Variants in ZNF318 observed in about 807,000 individuals in gnomAD.
The protein encoded by ZNF318 is endocrine regulator.
ZNF318 carries 51 observed loss-of-function variants against 124.2 expected under a neutral mutation model. The ratio of observed to expected loss-of-function variants is 0.41; its 90% confidence interval spans 0.33 to 0.52. ZNF318 has a LOEUF of 0.52. Ranked by LOEUF, ZNF318 falls within the 20% of genes least tolerant of loss-of-function variation. ZNF318 has a pLI of 0.23. For missense variants in ZNF318, 2,815 were observed against 2,811.2 expected, an observed-to-expected ratio of 1.00 and a Z score of -0.03; for synonymous variants, 1,090 against 1,040.7, an observed-to-expected ratio of 1.05 and a Z score of -0.91.
At chr6:43,354,523 ACTT>A in intron 4 of ZNF318, 138 bp downstream of exon 4, 1 of 726,610 alleles carries the variant, frequency 1.4e-6, no homozygotes, top group Non-Finnish European at 2.3e-6. Flanking sequence ...AACAATATAC[ACTT>A]CTTAGGATGA....
At position 43,350,153 on chromosome 6, in the gene ZNF318, G is replaced by A. The variant is rs531607641; in HGVS notation, c.2771-1528C>T. On this transcript the variant is annotated intron_variant, in intron 5 of 9. Coordinates refer to ENST00000361428, the MANE Select transcript of ZNF318 (RefSeq NM_014345.3). ...TAATCCCAGCTACTTGGGAGGTTGA[G>A]GCAGGAGAATTACTTGCACCTGGAA... 1.7e-3 allele frequency among the ~76,000 whole-genome samples: 264 copies of A among 152,292 alleles called. 1 individual carries two copies. The highest frequency in any genetic ancestry group is 6.1e-3 in the African/African-American group (254 of 41,564).
In ZNF318 at chr6:43,338,617, T is replaced by C. The variant is rs1162381558; in HGVS notation, c.5381A>G (p.Asp1794Gly). 1.2e-6 allele frequency: 2 copies of C among 1,614,160 alleles called. No homozygotes were observed. Among genetic ancestry groups the C allele is most frequent in the Admixed American group, 1.7e-5 (1 of 60,016 alleles). The change falls in exon 10 of 10, where the codon GAT (aspartate) becomes GGT (glycine). Residue 1794 changes from aspartate to glycine, a missense_variant. Coordinates refer to ENST00000361428, the MANE Select transcript of ZNF318 (RefSeq NM_014345.3). ...RVKELSEGIV[D>G]EGVSTSIGPH... ...TCCAATGCTGGTACTTACTCCCTCATCAACTATCCCCTCAGACAGCTCCTT... is the reference window on the plus strand; with the variant it reads ...TCCAATGCTGGTACTTACTCCCTCACCAACTATCCCCTCAGACAGCTCCTT...
chr6:43,352,360 T>C lies in ZNF318; in HGVS notation c.2770+17A>G, dbSNP rs757378684. 5 of 1,567,216 alleles carry C rather than the reference T, an allele frequency of 3.2e-6. No individual in the cohort carries two copies. The highest frequency in any genetic ancestry group is 4.3e-6 in the Non-Finnish European group (5 of 1,160,138). On this transcript the variant is annotated intron_variant, in intron 5 of 9. Coordinates refer to ENST00000361428, the MANE Select transcript of ZNF318 (RefSeq NM_014345.3). ...GCAAGTTATTACAAAAAGGCAGTCA[T>C]GCAAAGCAGCTGATACCTTGTTGTT...
At chr6:43,341,448 C>T (rs1184156348) in intron 8 of ZNF318, among the ~76,000 whole-genome samples, 3 of 151,966 alleles carry the variant, frequency 2.0e-5, no homozygotes. Context: ...GTCAGGAGAT[C>T]GAGACCATCC....
chr6:43,368,905 A>C, intron 1 of ZNF318, 62 bp downstream of exon 1: 3 of 1,283,888 alleles, frequency 2.3e-6, no homozygotes, highest in Non-Finnish European at 2.0e-6. Flanking sequence ...GTTTCTGGAA[A>C]CGGGAATTCC....
At position 43,338,169 on chromosome 6, in the gene ZNF318, T is replaced by C. The variant is rs1349896992; in HGVS notation, c.5829A>G (p.Glu1943=). The C allele has an allele frequency of 1.2e-6, 2 of 1,614,110 alleles. No homozygotes were observed. The highest frequency in any genetic ancestry group is 1.7e-6 in the Non-Finnish European group (2 of 1,180,016). ...TTTTAACTTGAAAGTCTTTTGATCT[T>C]TCTCTCTTGAGTTTGAGACTTCTGT... ...SRYRSLKLKR[E]RSKDFQVKKI... The change falls in exon 10 of 10, where the codon GAA becomes GAG. Residue 1943 remains glutamate (E), a synonymous_variant. Transcript: ENST00000361428.
intron 4 of ZNF318, among the ~76,000 whole-genome samples, chr6:43,354,451 A>G (rs910383394): frequency 2.6e-5 from 4 of 152,224 alleles, no homozygotes; most frequent in African/African-American, 9.6e-5. Flanking sequence ...GACAATCACA[A>G]TAGGACCCAA....
At chr6:43,357,787 A>T in intron 2 of ZNF318, 22 bp from the exon 3 acceptor site, 1 of 1,563,764 alleles carries the variant, frequency 6.4e-7, no homozygotes, top group South Asian at 1.2e-5. Context: ...GAGAAGCATC[A>T]TTGAACAAAT....
intron 1 of ZNF318, among the ~76,000 whole-genome samples, chr6:43,367,440 A>C (rs1444426980): frequency 6.6e-6 from 1 of 152,232 alleles, no homozygotes; most frequent in Non-Finnish European, 1.5e-5. Flanking sequence ...GGCGGAGTGT[A>C]AAGGAGCCAA....
chr6:43,354,529 T>G (rs1399008939), intron 4 of ZNF318, 135 bp downstream of exon 4: 1 of 758,358 alleles, frequency 1.3e-6, no homozygotes, highest in African/African-American at 1.8e-5. Context: ...ATACACTTCT[T>G]AGGATGATGA....
chr6:43,343,066 C>T (rs1239739053), intron 6 of ZNF318, among the ~76,000 whole-genome samples, 187 bp from the exon 7 acceptor site: 3 of 152,214 alleles, frequency 2.0e-5, no homozygotes, highest in Non-Finnish European at 2.9e-5. Flanking sequence ...TATTTGACTT[C>T]ATAGTGCTAT....
chr6:43,363,106 A>C (rs749610587), intron 2 of ZNF318, among the ~76,000 whole-genome samples: 46 of 152,258 alleles, frequency 3.0e-4, no homozygotes, highest in Non-Finnish European at 5.4e-4. Context: ...CTTAAGAGGA[A>C]AAATTTTAAT....
At position 43,338,126 on chromosome 6, in the gene ZNF318, C is replaced by T. The variant is rs1779314935; in HGVS notation, c.5872G>A (p.Val1958Ile). 6.2e-7 allele frequency: 1 copy of T among 1,613,552 alleles called. No homozygotes were observed. Among genetic ancestry groups the T allele is most frequent in the Non-Finnish European group, 8.5e-7 (1 of 1,179,944 alleles). ...FQVKKIYELAVWDENKKRPET... is the reference protein window; with the variant it reads ...FQVKKIYELAIWDENKKRPET... ...GGCCTCTTCTTGTTTTCATCCCAAA[C>T]AGCCAACTCATAGATCTTTTTAACT... is the stretch of plus-strand genomic sequence containing the variant. The change falls in exon 10 of 10, where the codon GTT (valine) becomes ATT (isoleucine). Residue 1958 changes from valine (V) to isoleucine (I), a missense_variant. Coordinates refer to ENST00000361428, the MANE Select transcript of ZNF318 (RefSeq NM_014345.3).
chr6:43,354,965 G>A lies in ZNF318; in HGVS notation c.2369C>T (p.Ala790Val). 1 of 1,609,976 alleles carries A rather than the reference G, an allele frequency of 6.2e-7. No individual in the cohort carries two copies. Among genetic ancestry groups the A allele is most frequent in the Non-Finnish European group, 8.5e-7 (1 of 1,177,718 alleles). The change falls in exon 4 of 10, where the codon GCC (alanine) becomes GTC (valine). Residue 790 changes from alanine to valine, a missense_variant. This residue lies in a region of ZNF318 where 1,377 missense variants were observed against 1,353.5 expected (regional missense o/e 1.02). Transcript: ENST00000361428. ...TGCATATGCCATGTAGTGCCTATAG[G>A]CATCAAAAGAGGCAGGGGGAATGGC... The part of the protein sequence containing the change: ...GPAIPPASFD[A>V]YRHYMAYAAS...
chr6:43,352,009 T>C (rs1309244429), intron 5 of ZNF318, among the ~76,000 whole-genome samples: 1 of 151,976 alleles, frequency 6.6e-6, no homozygotes, highest in Non-Finnish European at 1.5e-5. Context: ...CTGGGCATGG[T>C]GGCAGGTGCC....
At position 43,354,752 on chromosome 6, in the gene ZNF318, A is replaced by C. The variant is rs1171470074; in HGVS notation, c.2582T>G (p.Val861Gly). ...TGATGGAATGGACACCTGGACAGGC[A>C]CTTGGGCCGCAGGAATTGAGCCTCG... ...SLRGSIPAAQ[V>G]PVQVSIPSLI... is the part of the protein sequence containing the mutation. Residue 861 changes from valine to glycine, a missense_variant, in exon 4 of 10, where the codon GTG becomes GGG. Coordinates refer to ENST00000361428, the MANE Select transcript of ZNF318 (RefSeq NM_014345.3). 1.9e-5 allele frequency: 30 copies of C among 1,614,174 alleles called. No homozygotes were observed. The highest frequency in any genetic ancestry group is 2.5e-5 in the Non-Finnish European group (30 of 1,180,030).
intron 1 of ZNF318, among the ~76,000 whole-genome samples, chr6:43,366,346 A>G (rs769392117): frequency 1.3e-5 from 2 of 152,228 alleles, no homozygotes; most frequent in Non-Finnish European, 2.9e-5. Context: ...TTTTATTCTT[A>G]GTGCAATTAA....
At position 43,369,167 on chromosome 6, in the gene ZNF318, G is replaced by T; in HGVS notation, c.199C>A (p.Arg67=). 1.7e-6 allele frequency: 2 copies of T among 1,209,754 alleles called. No homozygotes were observed. Among genetic ancestry groups the T allele is most frequent in the Non-Finnish European group, 2.1e-6 (2 of 974,228 alleles). The allele number at this position is 1,209,754 out of a possible 1,614,324, so 74.9% of individuals were successfully genotyped here. The change falls in exon 1 of 10, where the codon CGG becomes AGG. Residue 67 remains arginine (R), a synonymous_variant. Coordinates refer to ENST00000361428, the MANE Select transcript of ZNF318 (RefSeq NM_014345.3). The stretch of plus-strand genomic sequence containing the variant: ...CCCCGTGGCGGGGACGGCGAGGCCC[G>T]GCGGCCGCGGTGCCCTGAGGGCGAG... ...PRSPSGHRGR[R]ASPSPPRGRR...
At position 43,338,574 on chromosome 6, in the gene ZNF318, A is replaced by ACC; in HGVS notation, c.5423_5424insGG (p.Asp1808GlufsTer5). The ACC allele has an allele frequency of 6.2e-7, 1 of 1,614,110 alleles. No individual in the cohort carries two copies. Among genetic ancestry groups the ACC allele is most frequent in the African/African-American group, 1.3e-5 (1 of 75,026 alleles). On this transcript the variant is annotated frameshift_variant, in exon 10 of 10. Coordinates refer to ENST00000361428, the MANE Select transcript of ZNF318 (RefSeq NM_014345.3). LOFTEE classifies it low-confidence loss of function (END_TRUNC). Reference sequence around the variant, plus strand: ...ATCTGTTTCCATGGTTCAAATTAGAATCATCTATGCTGTGGGGTCCAATGC... The same window carrying ACC: ...ATCTGTTTCCATGGTTCAAATTAGAACCTCATCTATGCTGTGGGGTCCAATGC...
Sources: gnomAD v4.1 joint callset for allele counts (sites outside exome capture counted in the v4.1 genomes callset) on GRCh38, gnomAD v4.1.1 for gene constraint, gnomAD v4.1.1 regional missense constraint, MANE v1.5 for transcripts, NCBI Gene and HGNC (gene_info 2026-07-23, HGNC 2026-07-21) for gene names.